Variants in PCDHGA1 observed in about 807,000 individuals in gnomAD.
PCDHGA1 encodes the protein protocadherin gamma-A1.
PCDHGA1 carries 32 observed loss-of-function variants against 58.0 expected under a neutral mutation model. That is an observed-to-expected ratio of 0.55 (90% confidence interval 0.42 to 0.74). The LOEUF (loss-of-function observed/expected upper bound fraction) is 0.74. Ranked by LOEUF, PCDHGA1 falls within the 30% of genes least tolerant of loss-of-function variation. The pLI is 0.00. For missense variants in PCDHGA1, 1,205 were observed against 1,182.3 expected (o/e 1.02, Z -0.28); for synonymous variants, 498 against 501.1 (o/e 0.99, Z 0.08).
At chr5:141,370,791 T>C (rs1354354873) in intron 1 of PCDHGA1, 2 of 1,614,022 alleles carry the variant, frequency 1.2e-6, no homozygotes, top group Non-Finnish European at 1.7e-6. Flanking sequence ...CCCACCGACC[T>C]TTAGCCAAAA....
chr5:141,392,735 C>G, intron 1 of PCDHGA1: 1 of 1,428,540 alleles, frequency 7.0e-7, no homozygotes, highest in South Asian at 1.5e-5. Context: ...ATTGTCATCT[C>G]CATAGCTGCG....
At chr5:141,392,005 T>A (rs1323895692) in intron 1 of PCDHGA1, 1 of 152,198 alleles carries the variant, frequency 6.6e-6, no homozygotes, top group African/African-American at 2.4e-5. Context: ...AAAACTGCAA[T>A]GGTAAAAGCA....
chr5:141,474,566 G>A (rs2154572064), intron 1 of PCDHGA1, among the ~76,000 whole-genome samples: 1 of 152,336 alleles, frequency 6.6e-6, no homozygotes, highest in Non-Finnish European at 1.5e-5. Flanking sequence ...GGTTTTCAGA[G>A]ATTAATTGAA....
At chr5:141,383,438 T>G (rs771107415) in intron 1 of PCDHGA1, 1 of 1,613,960 alleles carries the variant, frequency 6.2e-7, no homozygotes, top group South Asian at 1.1e-5. Flanking sequence ...CACTTCTCCC[T>G]GGCTGTGCAA....
intron 1 of PCDHGA1, chr5:141,399,620 C>T: frequency 6.2e-7 from 1 of 1,613,940 alleles, no homozygotes; most frequent in Non-Finnish European, 8.5e-7. Flanking sequence ...CTGGCACTGG[C>T]CTCTTACGTG....
At position 141,491,546 on chromosome 5, in the gene PCDHGA1, C is replaced by T; in HGVS notation, c.2422-3261C>T. ...GAGGTGACGCTGCGGCCCACAGACT[C>T]GCAGAGCCACTGCTACAGGACGTGC... On this transcript the variant is annotated intron_variant, in intron 1 of 3. Transcript: ENST00000517417. This position sits in a 1 kb window ranked among gnomAD's most constrained non-coding sequence, Gnocchi z 6.9. 1.9e-6 allele frequency: 3 copies of T among 1,614,038 alleles called. No homozygotes were observed. Among genetic ancestry groups the T allele is most frequent in the Non-Finnish European group, 2.5e-6 (3 of 1,180,024 alleles).
At chr5:141,364,574 G>A (rs184408500) in intron 1 of PCDHGA1, 1 of 1,614,048 alleles carries the variant, frequency 6.2e-7, no homozygotes, top group African/African-American at 1.3e-5. Context: ...CCCGCGAAGC[G>A]GCAGCTTGGT....
intron 1 of PCDHGA1, chr5:141,344,371 A>G: frequency 6.2e-7 from 1 of 1,613,406 alleles, no homozygotes. Flanking sequence ...GTTGAGGATA[A>G]ATTGAAAATT....
intron 1 of PCDHGA1, chr5:141,362,079 T>C (rs755962280): frequency 1.7e-5 from 28 of 1,612,646 alleles, no homozygotes; most frequent in Admixed American, 1.7e-4. Context: ...CTGTGCGTGA[T>C]GGAGGACAGC....
intron 1 of PCDHGA1, chr5:141,389,656 C>T (rs763730959): frequency 1.2e-6 from 2 of 1,612,538 alleles, no homozygotes; most frequent in Non-Finnish European, 1.7e-6. Context: ...AAGGTAGTGG[C>T]GGTGGACGCA....
Position 141,491,417 on chromosome 5 carries a change from G to A in PCDHGA1, c.2422-3390G>A, listed in dbSNP as rs200843744. 5 of 1,613,988 alleles carry A rather than the reference G, an allele frequency of 3.1e-6. No homozygotes were observed. The highest frequency in any genetic ancestry group is 1.1e-5 in the South Asian group (1 of 91,092). Reference sequence around the variant, plus strand: ...CAGGGAAACGCAGACGGGGACGGGGGTGGAGGGCAGTGCTGCAGGCGCCAG... The same window carrying A: ...CAGGGAAACGCAGACGGGGACGGGGATGGAGGGCAGTGCTGCAGGCGCCAG... On this transcript the variant is annotated intron_variant, in intron 1 of 3. Transcript: ENST00000517417. The surrounding 1 kb of genome is among the most constrained non-coding windows in gnomAD (Gnocchi z 6.9).
intron 1 of PCDHGA1, chr5:141,350,288 A>G: frequency 2.0e-6 from 3 of 1,513,308 alleles, no homozygotes; most frequent in Non-Finnish European, 2.6e-6. Flanking sequence ...AGCCGAAATG[A>G]TGAAAAGTCA....
chr5:141,457,172 T>C (rs1425263344), intron 1 of PCDHGA1, among the ~76,000 whole-genome samples: 1 of 152,212 alleles, frequency 6.6e-6, no homozygotes, highest in East Asian at 1.9e-4. Context: ...ATAACCCTAT[T>C]GCAAATAGTA....
chr5:141,426,488 T>G, intron 1 of PCDHGA1: 1 of 328,024 alleles, frequency 3.0e-6, no homozygotes, highest in Non-Finnish European at 6.1e-6. Context: ...AACCTTAGAG[T>G]TAGTGCAGAG....
In PCDHGA1 at chr5:141,454,796, A is replaced by ATTTT. The variant is rs61612330; in HGVS notation, c.2422-39985_2422-39982dup. Among the ~76,000 whole-genome samples, 123 of 77,452 alleles carry ATTTT rather than the reference A, an allele frequency of 1.6e-3. 16 individuals are homozygous for ATTTT. The highest frequency in any genetic ancestry group is 7.2e-3 in the South Asian group (14 of 1,958). 50.8% of individuals were successfully genotyped at this position (77,452 alleles called of 152,430 possible). On this transcript the variant is annotated intron_variant, in intron 1 of 3. Coordinates refer to ENST00000517417, the MANE Select transcript of PCDHGA1 (RefSeq NM_018912.3). ...AAGGAAATAATCCTCCATGGTTCTAATTTTTTTTTTTTTTTTTTTTTTTTT... is the reference window on the plus strand; with the variant it reads ...AAGGAAATAATCCTCCATGGTTCTAATTTTTTTTTTTTTTTTTTTTTTTTTTTTT...
rs771313271 is a variant in PCDHGA1 at position 141,477,861 on chromosome 5, G to C, written c.2422-16946G>C. 1.2e-6 allele frequency: 2 copies of C among 1,612,714 alleles called. No individual in the cohort carries two copies. Among genetic ancestry groups the C allele is most frequent in the South Asian group, 1.1e-5 (1 of 90,968 alleles). On this transcript the variant is annotated intron_variant, in intron 1 of 3. Transcript: ENST00000517417. The surrounding 1 kb of genome is among the most constrained non-coding windows in gnomAD (Gnocchi z 4.9). ...GGGAGCTCGGTGGAGATGCTGCCTC[G>C]AGGTACCTCAGCTGGCCACCTAGTG...
intron 1 of PCDHGA1, chr5:141,423,397 C>A: frequency 1.9e-6 from 3 of 1,614,146 alleles, no homozygotes; most frequent in Non-Finnish European, 2.5e-6. Context: ...GCATAAGTCA[C>A]GCCTGCTGCA....
At chr5:141,343,798 A>G (rs1236128461) in intron 1 of PCDHGA1, 1 of 451,466 alleles carries the variant, frequency 2.2e-6, no homozygotes. Flanking sequence ...TTGACCACTC[A>G]AGAAGGAGAA....
In PCDHGA1 at chr5:141,410,525, T is replaced by G. The variant is rs6891442; in HGVS notation, c.2421+77420T>G. The G allele has an allele frequency of 1.9e-3, 3,112 of 1,613,920 alleles. 62 individuals are homozygous for G. In the African/African-American group the frequency reaches 0.034, roughly 18 times the overall value. On this transcript the variant is annotated intron_variant, in intron 1 of 3. Transcript: ENST00000517417. ...CCTAAAATGCAGTGTGCCCCTACAT[T>G]CCAATGAAGACATGGTTTGCAGTGT...
Sources: allele counts gnomAD v4.1 joint callset (sites outside exome capture counted in the v4.1 genomes callset), GRCh38; gene constraint gnomAD v4.1.1; non-coding constraint Gnocchi (gnomAD v3.1); transcripts MANE v1.5; gene names NCBI Gene and HGNC (gene_info 2026-07-23, HGNC 2026-07-21).